LARP6: variants seen among roughly 807,000 people sequenced by gnomAD.
The protein encoded by LARP6 is la-related protein 6.
Under a neutral mutation model 32.8 loss-of-function variants are expected in LARP6, and 18 were observed. The observed-to-expected ratio is 0.55, with a 90% CI of 0.38 to 0.81. The LOEUF is 0.81. LARP6 is among the 40% of genes least tolerant of loss of function. The pLI is 0.00. For missense variants in LARP6, 598 were observed against 663.1 expected (o/e 0.90, Z 1.08); for synonymous variants, 289 against 267.2 (o/e 1.08, Z -0.80).
chr15:70,841,128 T>G (rs911562299), intron 1 of LARP6, among the ~76,000 whole-genome samples: 1 of 151,932 alleles, frequency 6.6e-6, no homozygotes, highest in Non-Finnish European at 1.5e-5. Flanking sequence ...TTAGCCAAGA[T>G]GGTCTCGATC....
intron 2 of LARP6, among the ~76,000 whole-genome samples, chr15:70,835,332 T>C (rs1328878432): frequency 6.6e-6 from 1 of 152,230 alleles, no homozygotes; most frequent in Non-Finnish European, 1.5e-5. Flanking sequence ...ATTGTAATCT[T>C]TCAGATCTCT....
rs752712965 is a variant in LARP6 at position 70,836,285 on chromosome 15, C to A, written c.411+10G>T. On this transcript the variant is annotated intron_variant, in intron 2 of 2. Coordinates refer to ENST00000299213, the MANE Select transcript of LARP6 (RefSeq NM_018357.4). The stretch of plus-strand genomic sequence containing the variant: ...AATCCTTGAAGCAGCTTCTGAGAAC[C>A]AAGCCTCACCTTTTTGAAGGATGTG... 1.9e-6 allele frequency: 3 copies of A among 1,612,550 alleles called. No individual in the cohort carries two copies. The highest frequency in any genetic ancestry group is 2.5e-6 in the Non-Finnish European group (3 of 1,178,622).
intron 2 of LARP6, among the ~76,000 whole-genome samples, chr15:70,835,789 A>G (rs572487340): frequency 2.6e-4 from 40 of 152,042 alleles, no homozygotes; most frequent in Admixed American, 1.4e-3. Context: ...TACAAATCTC[A>G]TCTCCCTATT....
At chr15:70,833,350 A>T (rs1246869393) in intron 2 of LARP6, among the ~76,000 whole-genome samples, 1 of 152,218 alleles carries the variant, frequency 6.6e-6, no homozygotes, top group Non-Finnish European at 1.5e-5. Context: ...TGTCCAACAG[A>T]ACTGTCCATG....
At chr15:70,842,532 G>C (rs763463531) in intron 1 of LARP6, among the ~76,000 whole-genome samples, 1 of 152,106 alleles carries the variant, frequency 6.6e-6, no homozygotes, top group Non-Finnish European at 1.5e-5. Context: ...CTGCATGCCA[G>C]ACATTTCCAC....
At chr15:70,840,951 T>C (rs1180653235) in intron 1 of LARP6, among the ~76,000 whole-genome samples, 1 of 151,662 alleles carries the variant, frequency 6.6e-6, no homozygotes, top group Non-Finnish European at 1.5e-5. Flanking sequence ...TCTCGCTCTT[T>C]CGCCCAGGCT....
intron 2 of LARP6, among the ~76,000 whole-genome samples, chr15:70,835,314 G>A (rs1284591623): frequency 6.6e-6 from 1 of 152,208 alleles, no homozygotes; most frequent in Non-Finnish European, 1.5e-5. Flanking sequence ...CCTACTATAT[G>A]TGGTCACATT....
intron 1 of LARP6, chr15:70,849,617 A>G (rs1465747289): frequency 6.6e-6 from 1 of 152,216 alleles, no homozygotes; most frequent in East Asian, 1.9e-4. Flanking sequence ...AGAAGTGCTT[A>G]AAGACTAATG....
intron 1 of LARP6, among the ~76,000 whole-genome samples, chr15:70,843,845 A>G (rs2032300866): frequency 6.6e-6 from 1 of 151,594 alleles, no homozygotes; most frequent in Admixed American, 6.6e-5. Flanking sequence ...TAGTAGAGAC[A>G]GGGTTTCACC....
rs150993636 is a variant in LARP6, at chr15:70,832,133, G to A, written c.1395C>T (p.Pro465=). 6.7e-5 allele frequency: 107 copies of A among 1,608,560 alleles called. No individual in the cohort carries two copies. Among genetic ancestry groups the A allele is most frequent in the East Asian group, 2.0e-4 (9 of 44,828 alleles). Reference sequence around the variant, plus strand: ...CCCTGGGCAACCTCAGCACCCCTACGGGTAGCCCATCTGCAGTCTGCATCT... The same window carrying A: ...CCCTGGGCAACCTCAGCACCCCTACAGGTAGCCCATCTGCAGTCTGCATCT... ...SRKMQTADGL[P]VGVLRLPRGP... The change falls in exon 3 of 3, where the codon CCC becomes CCT. Residue 465 remains proline (P), a synonymous_variant. Coordinates refer to ENST00000299213, the MANE Select transcript of LARP6 (RefSeq NM_018357.4).
chr15:70,850,104 C>G (rs1209610388), intron 1 of LARP6, among the ~76,000 whole-genome samples: 3 of 152,096 alleles, frequency 2.0e-5, no homozygotes, highest in African/African-American at 7.2e-5. Context: ...GAATGGAAAA[C>G]TTGGAAGAAA....
intron 1 of LARP6, among the ~76,000 whole-genome samples, chr15:70,847,456 G>A (rs1437057437): frequency 6.6e-6 from 1 of 151,722 alleles, no homozygotes; most frequent in East Asian, 1.9e-4. Context: ...TGCAACCTCT[G>A]CCTCCTGGGT....
chr15:70,838,375 A>G (rs1170851393), intron 1 of LARP6, among the ~76,000 whole-genome samples: 1 of 152,220 alleles, frequency 6.6e-6, no homozygotes. Context: ...GTACCGTTAA[A>G]GCTCAGTAGG....
chr15:70,839,213 C>T (rs950994514), intron 1 of LARP6, among the ~76,000 whole-genome samples: 4 of 151,988 alleles, frequency 2.6e-5, no homozygotes, highest in East Asian at 1.9e-4. Context: ...CTGAGGTGGG[C>T]GGACGACTTG....
intron 1 of LARP6, among the ~76,000 whole-genome samples, chr15:70,851,104 G>C (rs1308306055): frequency 6.6e-6 from 1 of 152,176 alleles, no homozygotes; most frequent in African/African-American, 2.4e-5. Flanking sequence ...GATTATATTA[G>C]GGAATGATAG....
intron 1 of LARP6, among the ~76,000 whole-genome samples, chr15:70,844,898 T>A (rs2032319888): frequency 6.6e-6 from 1 of 152,226 alleles, no homozygotes; most frequent in Admixed American, 6.5e-5. Context: ...TGTTTCAACA[T>A]CATCACCTCT....
chr15:70,836,636 T>C (rs1037262546), intron 1 of LARP6, 131 bp from the exon 2 acceptor site: 4 of 699,766 alleles, frequency 5.7e-6, no homozygotes, highest in Non-Finnish European at 7.4e-6. Flanking sequence ...TCACTGCAGA[T>C]GCAATTAATT....
intron 1 of LARP6, among the ~76,000 whole-genome samples, chr15:70,846,628 A>ACATACATACATACATG (rs1401807269): frequency 2.6e-5 from 4 of 151,490 alleles, no homozygotes; most frequent in African/African-American, 9.7e-5. Context: ...ATAAATACAT[A>ACATACATACATACATG]CATACATACA....
intron 1 of LARP6, among the ~76,000 whole-genome samples, chr15:70,847,453 T>C (rs2032369099): frequency 6.6e-6 from 1 of 152,054 alleles, no homozygotes; most frequent in African/African-American, 2.4e-5. Flanking sequence ...CACTGCAACC[T>C]CTGCCTCCTG....
Sources: allele counts gnomAD v4.1 joint callset (sites outside exome capture counted in the v4.1 genomes callset), GRCh38; gene constraint gnomAD v4.1.1; transcripts MANE v1.5; gene names NCBI Gene and HGNC (gene_info 2026-07-23, HGNC 2026-07-21).